NADK2: variants seen among roughly 807,000 people sequenced by gnomAD.
NADK2 encodes the protein NAD kinase 2, mitochondrial, also known as NAD kinase domain-containing protein 1, mitochondrial.
Under a neutral mutation model 62.1 loss-of-function variants are expected in NADK2, and 35 were observed. The observed-to-expected ratio is 0.56, with a 90% CI of 0.43 to 0.75. NADK2 has a LOEUF of 0.75. Among genes scored for constraint, NADK2 ranks in the 30% least tolerant of loss-of-function variants. NADK2 has a pLI of 0.00. For missense variants in NADK2, 439 were observed against 561.3 expected, an observed-to-expected ratio of 0.78 and a Z score of 2.20; for synonymous variants, 205 against 207.9, an observed-to-expected ratio of 0.99 and a Z score of 0.12.
At chr5:36,234,522 CATG>C (rs1246007035) in intron 1 of NADK2, among the ~76,000 whole-genome samples, 3 of 151,978 alleles carry the variant, frequency 2.0e-5, no homozygotes, top group Non-Finnish European at 4.4e-5. Flanking sequence ...AAAAGACACA[CATG>C]ATGTTACACT....
intron 8 of NADK2, among the ~76,000 whole-genome samples, chr5:36,201,432 C>T (rs1746443633): frequency 6.6e-6 from 1 of 151,616 alleles, no homozygotes; most frequent in Non-Finnish European, 1.5e-5. Context: ...GTAATTTAAC[C>T]TAAAATATAC....
intron 1 of NADK2, among the ~76,000 whole-genome samples, chr5:36,236,546 AAGAC>A (rs1366664659): frequency 6.6e-6 from 1 of 152,198 alleles, no homozygotes; most frequent in African/African-American, 2.4e-5. Flanking sequence ...AACATCTGGA[AAGAC>A]AGACAGCTGG....
Position 36,197,786 on chromosome 5 carries a change from T to A in NADK2, c.1067-122A>T, listed in dbSNP as rs1746288511. ...TCCAAAAGTATATTTGGGAACAAGT[T>A]TCTTGAAACTCGTAACACATATTCC... On this transcript the variant is annotated intron_variant, in intron 10 of 11. Coordinates refer to ENST00000381937, the MANE Select transcript of NADK2 (RefSeq NM_001085411.3). 5.1e-6 allele frequency: 4 copies of A among 788,528 alleles called. No homozygotes were observed. In the South Asian group the frequency reaches 9.2e-5, roughly 18 times the overall value. 48.8% of individuals were successfully genotyped at this position (788,528 alleles called of 1,614,324 possible).
chr5:36,240,980 T>C (rs1748088066), intron 1 of NADK2, among the ~76,000 whole-genome samples: 2 of 152,210 alleles, frequency 1.3e-5, no homozygotes, highest in Non-Finnish European at 2.9e-5. Flanking sequence ...GGCCTCGCAG[T>C]CCTGCAGAGT....
chr5:36,219,337 A>T (rs974663399), intron 5 of NADK2, among the ~76,000 whole-genome samples: 1 of 152,132 alleles, frequency 6.6e-6, no homozygotes, highest in Non-Finnish European at 1.5e-5. Context: ...CAGCCCCGCA[A>T]GTAGCTGGGA....
intron 10 of NADK2, 49 bp from the exon 11 acceptor site, chr5:36,197,713 G>C: frequency 2.1e-6 from 3 of 1,443,846 alleles, no homozygotes; most frequent in Middle Eastern, 1.9e-4. Flanking sequence ...GGTCACTTCT[G>C]AGAAGGGCAA....
At chr5:36,228,756 C>T (rs1747587548) in intron 1 of NADK2, among the ~76,000 whole-genome samples, 1 of 151,472 alleles carries the variant, frequency 6.6e-6, no homozygotes, top group African/African-American at 2.4e-5. Flanking sequence ...GCAGCTGGGA[C>T]TACAAGTGCA....
At chr5:36,224,961 A>G (rs1579627756) in intron 4 of NADK2, among the ~76,000 whole-genome samples, 1 of 152,200 alleles carries the variant, frequency 6.6e-6, no homozygotes, top group Non-Finnish European at 1.5e-5. Context: ...AATGAGGAAT[A>G]TAAATACAAG....
chr5:36,192,845 A>AC lies in NADK2; in HGVS notation c.*2298dup, dbSNP rs931200090. The AC allele has an allele frequency of 3.3e-5, 5 of 152,184 alleles. No individual in the cohort carries two copies. Among genetic ancestry groups the AC allele is most frequent in the African/African-American group, 1.2e-4 (5 of 41,432 alleles). The allele number at this position is 152,184 out of a possible 1,614,324, so 9.4% of individuals were successfully genotyped here. On this transcript the variant is annotated 3_prime_UTR_variant, in exon 12 of 12. Transcript: ENST00000381937. ...TGTGAAAACTAGTTTTCAAATAATG[A>AC]CCCCTTGAGAGGGAAATAAGAAATG... is the stretch of plus-strand genomic sequence containing the variant.
intron 10 of NADK2, 137 bp downstream of exon 10, chr5:36,200,090 A>C: frequency 4.5e-6 from 2 of 442,736 alleles, no homozygotes; most frequent in Non-Finnish European, 7.8e-6. Flanking sequence ...TTGCTTAAAG[A>C]CATTTAAGGG....
rs1392296362 is a variant in NADK2, at chr5:36,201,169, C to CA, written c.957-9dup. 21 of 1,606,150 alleles carry CA rather than the reference C, an allele frequency of 1.3e-5. No homozygotes were observed. Among genetic ancestry groups the CA allele is most frequent in the Non-Finnish European group, 1.8e-5 (21 of 1,174,756 alleles). ...CTGTTAATATTGAATGACCTAGAAA[C>CA]AAAAATCACATAATTCTTAGTTTTA... On this transcript the variant is annotated splice_polypyrimidine_tract_variant and intron_variant, in intron 8 of 11. Coordinates refer to ENST00000381937, the MANE Select transcript of NADK2 (RefSeq NM_001085411.3).
At chr5:36,215,689 C>T (rs916401518) in intron 6 of NADK2, among the ~76,000 whole-genome samples, 5 of 152,184 alleles carry the variant, frequency 3.3e-5, no homozygotes, top group Non-Finnish European at 7.3e-5. Context: ...TGAATGAAAG[C>T]ATATGATATT....
chr5:36,219,477 C>G, intron 5 of NADK2, 119 bp downstream of exon 5: 2 of 815,080 alleles, frequency 2.5e-6, no homozygotes, highest in Non-Finnish European at 3.9e-6. Context: ...TCCCAAAGTA[C>G]TGGGATTACA....
Position 36,201,797 on chromosome 5 carries a change from A to G in NADK2, c.957-636T>C, listed in dbSNP as rs565832261. Among the ~76,000 whole-genome samples, 6 of 152,154 alleles carry G rather than the reference A, an allele frequency of 3.9e-5. No individual in the cohort carries two copies. In the South Asian group the frequency reaches 1.2e-3, roughly 32 times the overall value. ...TAGGCAAGTATTCTTTAAATTATAA[A>G]ATAGTTTCCTTGAAGGTAAGAAATC... is the stretch of plus-strand genomic sequence containing the variant. On this transcript the variant is annotated intron_variant, in intron 8 of 11. Coordinates refer to ENST00000381937, the MANE Select transcript of NADK2 (RefSeq NM_001085411.3).
chr5:36,200,336 T>G (rs1313100410), intron 9 of NADK2, 56 bp from the exon 10 acceptor site: 5 of 1,138,560 alleles, frequency 4.4e-6, no homozygotes, highest in Non-Finnish European at 5.9e-6. Context: ...ATCTTATATA[T>G]ATATTTTCCT....
chr5:36,204,434 A>G (rs954364322), intron 8 of NADK2, among the ~76,000 whole-genome samples: 1 of 152,116 alleles, frequency 6.6e-6, no homozygotes, highest in Non-Finnish European at 1.5e-5. Flanking sequence ...GGTAAATACA[A>G]TCTCTATTTC....
intron 2 of NADK2, 100 bp downstream of exon 2, chr5:36,227,377 C>T: frequency 4.3e-6 from 2 of 466,092 alleles, no homozygotes; most frequent in Non-Finnish European, 7.2e-6. Flanking sequence ...TTTATAATAA[C>T]AATCATCACT....
At chr5:36,216,007 C>A (rs1747027737) in intron 6 of NADK2, among the ~76,000 whole-genome samples, 2 of 152,004 alleles carry the variant, frequency 1.3e-5, no homozygotes, top group Admixed American at 6.6e-5. Flanking sequence ...TTTTGAGAAA[C>A]CTTCATGCTG....
intron 8 of NADK2, among the ~76,000 whole-genome samples, chr5:36,202,730 C>T (rs1746493007): frequency 6.6e-6 from 1 of 152,108 alleles, no homozygotes; most frequent in Non-Finnish European, 1.5e-5. Context: ...CATGCTCTTC[C>T]ACCTTCTGTA....
Sources: gnomAD v4.1 joint callset for allele counts (sites outside exome capture counted in the v4.1 genomes callset) on GRCh38, gnomAD v4.1.1 for gene constraint, MANE v1.5 for transcripts, NCBI Gene and HGNC (gene_info 2026-07-23, HGNC 2026-07-21) for gene names.